Variants in KSR2 observed in about 807,000 individuals in gnomAD.
KSR2 encodes kinase suppressor of ras 2.
A neutral mutation model predicts 107.8 loss-of-function variants in KSR2; 25 were observed. The ratio of observed to expected loss-of-function variants is 0.23; its 90% CI spans 0.17 to 0.32. KSR2 has a LOEUF of 0.32. Among genes scored for constraint, KSR2 ranks in the 10% least tolerant of loss-of-function variants. The pLI is 1.00. For missense variants in KSR2, 887 were observed against 1,268.9 expected (o/e 0.70, Z 4.57); for synonymous variants, 480 against 507.0 (o/e 0.95, Z 0.71).
chr12:117,906,858 G>A (rs939962226), intron 1 of KSR2, among the ~76,000 whole-genome samples: 3 of 151,970 alleles, frequency 2.0e-5, no homozygotes, highest in Non-Finnish European at 4.4e-5. Context: ...TGAGGCCCCC[G>A]TCTCTACAAA....
chr12:117,935,167 G>T (rs920136865), intron 1 of KSR2, among the ~76,000 whole-genome samples: 5 of 151,604 alleles, frequency 3.3e-5, no homozygotes, highest in African/African-American at 4.8e-5. Flanking sequence ...GTCTTGTCTT[G>T]CTCTGTTGCC....
chr12:117,853,048 C>T (rs1892980948), intron 3 of KSR2, among the ~76,000 whole-genome samples: 1 of 152,226 alleles, frequency 6.6e-6, no homozygotes, highest in South Asian at 2.1e-4. Context: ...GGTGATCCAC[C>T]GGCCTCGGCC....
intron 16 of KSR2, among the ~76,000 whole-genome samples, chr12:117,477,793 C>T (rs1245787608): frequency 6.6e-6 from 1 of 152,240 alleles, no homozygotes; most frequent in Non-Finnish European, 1.5e-5. Context: ...CAACTCCTTG[C>T]TGTTGGGCCT....
intron 17 of KSR2, 141 bp downstream of exon 17, chr12:117,476,323 T>C: frequency 1.1e-6 from 1 of 932,622 alleles, no homozygotes; most frequent in Non-Finnish European, 1.5e-6. Context: ...CTACTCAGGT[T>C]CCTCCATTCT....
intron 1 of KSR2, among the ~76,000 whole-genome samples, chr12:117,872,383 G>C (rs2137288776): frequency 6.6e-6 from 1 of 152,254 alleles, no homozygotes; most frequent in South Asian, 2.1e-4. Flanking sequence ...GGGCAACATA[G>C]CAAGACCCCC....
At chr12:117,858,472 GA>G (rs1315927633) in intron 2 of KSR2, among the ~76,000 whole-genome samples, 7 of 152,138 alleles carry the variant, frequency 4.6e-5, no homozygotes, top group Non-Finnish European at 7.3e-5. Context: ...GGGCCTGGAG[GA>G]ATGGAGCGGG....
chr12:117,581,938 T>C (rs543619050), intron 6 of KSR2, among the ~76,000 whole-genome samples: 9 of 152,260 alleles, frequency 5.9e-5, no homozygotes, highest in African/African-American at 2.4e-5. Flanking sequence ...AGTCACCCTA[T>C]AGGTAGGCAG....
chr12:117,908,537 T>C (rs547875479), intron 1 of KSR2, among the ~76,000 whole-genome samples: 19 of 152,300 alleles, frequency 1.2e-4, no homozygotes, highest in African/African-American at 4.6e-4. Context: ...GACACAAATA[T>C]GCAAAGTTAA....
intron 3 of KSR2, among the ~76,000 whole-genome samples, chr12:117,851,299 T>C (rs1439708205): frequency 2.6e-5 from 4 of 152,154 alleles, no homozygotes; most frequent in Non-Finnish European, 5.9e-5. Context: ...TAATGAAAAG[T>C]GCTGCTTGAC....
At chr12:117,562,928 G>A (rs1878220031) in intron 7 of KSR2, among the ~76,000 whole-genome samples, 1 of 152,172 alleles carries the variant, frequency 6.6e-6, no homozygotes, top group African/African-American at 2.4e-5. Flanking sequence ...TGTCAAGAAC[G>A]AGAGCCTGCA....
intron 4 of KSR2, among the ~76,000 whole-genome samples, chr12:117,668,683 A>T (rs1327195316): frequency 2.0e-5 from 3 of 152,200 alleles, no homozygotes; most frequent in African/African-American, 7.2e-5. Context: ...AATTGTGGAG[A>T]GGATTTAAAA....
chr12:117,581,966 A>C (rs1343504876), intron 6 of KSR2, among the ~76,000 whole-genome samples: 3 of 152,208 alleles, frequency 2.0e-5, no homozygotes, highest in African/African-American at 7.2e-5. Flanking sequence ...TAAAGAAAAA[A>C]TTGAGCCTCA....
chr12:117,591,182 G>A (rs920283854), intron 5 of KSR2, among the ~76,000 whole-genome samples: 8 of 152,136 alleles, frequency 5.3e-5, no homozygotes, highest in African/African-American at 1.9e-4. Flanking sequence ...GTCCATGAGG[G>A]GGCAATGTCT....
intron 5 of KSR2, among the ~76,000 whole-genome samples, chr12:117,610,738 C>CA (rs35825253): frequency 0.71 from 78,147 of 110,682 alleles, 26,535 homozygotes; most frequent in South Asian, 0.85. Context: ...GACCCTGTCT[C>CA]AAAAAAAAAA....
chr12:117,829,699 G>A (rs1005536456), intron 3 of KSR2, among the ~76,000 whole-genome samples: 3 of 152,190 alleles, frequency 2.0e-5, no homozygotes, highest in South Asian at 2.1e-4. Flanking sequence ...GGACCACACG[G>A]TCTCTGTTGC....
chr12:117,933,971 G>C (rs1472591296), intron 1 of KSR2, among the ~76,000 whole-genome samples: 2 of 152,204 alleles, frequency 1.3e-5, no homozygotes, highest in Non-Finnish European at 2.9e-5. Context: ...GAGTGCATGA[G>C]TGGAGGGAGA....
chr12:117,682,798 A>G lies in KSR2; in HGVS notation c.987-15140T>C, dbSNP rs113171012. On this transcript the variant is annotated intron_variant, in intron 4 of 19. Coordinates refer to ENST00000339824, the MANE Select transcript of KSR2 (RefSeq NM_173598.6). ...AGTTGACCAACAAGAATGGAACAAG[A>G]ACGGCAGCAAGAATGGAATTGGGGG... 6.7e-3 allele frequency among the ~76,000 whole-genome samples: 1,022 copies of G among 152,260 alleles called. 15 individuals carry two copies. The highest frequency in any genetic ancestry group is 0.02 in the East Asian group (104 of 5,174).
intron 6 of KSR2, among the ~76,000 whole-genome samples, chr12:117,580,688 T>G (rs976549335): frequency 2.0e-5 from 3 of 152,254 alleles, no homozygotes; most frequent in African/African-American, 7.2e-5. Context: ...TCAGCTCCTC[T>G]GGGAAGACAT....
At chr12:117,856,949 G>A (rs1052155911) in intron 2 of KSR2, among the ~76,000 whole-genome samples, 1 of 152,094 alleles carries the variant, frequency 6.6e-6, no homozygotes, top group African/African-American at 2.4e-5. Flanking sequence ...GGCAGGCAGG[G>A]GGCAGAGAGA....
Sources: allele counts gnomAD v4.1 joint callset (sites outside exome capture counted in the v4.1 genomes callset), GRCh38; gene constraint gnomAD v4.1.1; transcripts MANE v1.5; gene names NCBI Gene and HGNC (gene_info 2026-07-23, HGNC 2026-07-21).